BACH2: variants seen among roughly 807,000 people sequenced by gnomAD.
The protein encoded by BACH2 is transcription regulator protein BACH2.
A neutral mutation model predicts 61.8 loss-of-function variants in BACH2; 5 were observed. The ratio of observed to expected loss-of-function variants is 0.08; its 90% CI spans 0.04 to 0.17. The LOEUF (loss-of-function observed/expected upper bound fraction) is 0.17, where lower values mean the gene tolerates loss of function less well. Among genes scored for constraint, BACH2 ranks in the 10% least tolerant of loss-of-function variants. The probability of loss-of-function intolerance (pLI) is 1.00; values close to 1 mark genes in which losing one functional copy is unlikely to be tolerated. For synonymous variants in BACH2, 446 were observed against 440.1 expected (o/e 1.01, Z -0.17); for missense variants, 824 against 1,091.1 (o/e 0.76, Z 3.45).
chr6:90,295,750 C>T (rs966808435), intron 1 of BACH2, among the ~76,000 whole-genome samples: 8 of 152,102 alleles, frequency 5.3e-5, no homozygotes, highest in Admixed American at 2.0e-4. Context: ...AGAAGCCTGG[C>T]GCCCTTAGGT....
At chr6:90,026,896 A>C (rs1225785199) in intron 5 of BACH2, among the ~76,000 whole-genome samples, 1 of 152,198 alleles carries the variant, frequency 6.6e-6, no homozygotes, top group Admixed American at 6.5e-5. Flanking sequence ...AATGAAGTTT[A>C]GATTGCAAGT....
rs149768881 is a variant in BACH2 at position 90,182,193 on chromosome 6, T to C, written c.-162+24376A>G. ...AATCACCACTGCTAAGTAACTCTTA[T>C]TGATTTGTTCTTCTCAGAATCAAAG... is the stretch of plus-strand genomic sequence containing the variant. On this transcript the variant is annotated intron_variant, in intron 4 of 8. Transcript: ENST00000257749. 2.2e-4 allele frequency among the ~76,000 whole-genome samples: 34 copies of C among 152,334 alleles called. No homozygotes were observed. In the East Asian group the frequency reaches 5.8e-3, roughly 26 times the overall value.
chr6:90,072,354 G>A (rs1053007894), intron 5 of BACH2, among the ~76,000 whole-genome samples: 1 of 152,156 alleles, frequency 6.6e-6, no homozygotes, highest in Non-Finnish European at 1.5e-5. Context: ...AGGGCCACAG[G>A]CTGGACCACA....
chr6:90,049,901 T>C (rs1163020106), intron 5 of BACH2, among the ~76,000 whole-genome samples: 6 of 152,176 alleles, frequency 3.9e-5, no homozygotes, highest in African/African-American at 4.8e-5. Context: ...AGAACACCAT[T>C]TTTACTTGAA....
chr6:90,237,909 A>C (rs1233360071), intron 3 of BACH2, among the ~76,000 whole-genome samples: 1 of 152,236 alleles, frequency 6.6e-6, no homozygotes, highest in Non-Finnish European at 1.5e-5. Context: ...ACAAGGTCTC[A>C]AAGGAACAGC....
chr6:90,122,150 C>A (rs1193671124), intron 4 of BACH2, among the ~76,000 whole-genome samples: 1 of 152,238 alleles, frequency 6.6e-6, no homozygotes, highest in African/African-American at 2.4e-5. Context: ...AGGCAAAGCA[C>A]ACCATGGGCC....
At chr6:90,046,122 C>T (rs538403604) in intron 5 of BACH2, among the ~76,000 whole-genome samples, 2 of 152,166 alleles carry the variant, frequency 1.3e-5, no homozygotes, top group African/African-American at 2.4e-5. Context: ...AGAGTGAAAG[C>T]TCTGTTTTAG....
chr6:90,013,926 G>T (rs966291146), intron 5 of BACH2, among the ~76,000 whole-genome samples: 1 of 151,824 alleles, frequency 6.6e-6, no homozygotes, highest in Admixed American at 6.6e-5. Context: ...CTACAGGTGT[G>T]CACCACCATA....
At chr6:90,095,566 G>C (rs915770202) in intron 4 of BACH2, among the ~76,000 whole-genome samples, 3 of 152,118 alleles carry the variant, frequency 2.0e-5, no homozygotes, top group Non-Finnish European at 4.4e-5. Flanking sequence ...ATACAACAAA[G>C]AGGTTATCAG....
intron 3 of BACH2, among the ~76,000 whole-genome samples, chr6:90,222,297 T>C (rs1023447342): frequency 6.6e-6 from 1 of 152,118 alleles, no homozygotes. Flanking sequence ...CATGAGACAA[T>C]GGCAACAATG....
intron 2 of BACH2, among the ~76,000 whole-genome samples, chr6:90,267,584 G>A (rs887801832): frequency 1.3e-5 from 2 of 152,118 alleles, no homozygotes; most frequent in Non-Finnish European, 2.9e-5. Flanking sequence ...ATATGTACAA[G>A]AATTTAACTG....
intron 3 of BACH2, among the ~76,000 whole-genome samples, chr6:90,217,098 C>A (rs370459558): frequency 6.6e-6 from 1 of 152,100 alleles, no homozygotes; most frequent in African/African-American, 2.4e-5. Flanking sequence ...TCTCCTTGAG[C>A]GAAGTAAAAG....
chr6:90,283,671 G>C (rs1771929740), intron 1 of BACH2, among the ~76,000 whole-genome samples: 1 of 151,988 alleles, frequency 6.6e-6, no homozygotes, highest in Non-Finnish European at 1.5e-5. Context: ...CACCACACCC[G>C]GCCTCCTCAT....
At chr6:90,219,171 C>A (rs1004046322) in intron 3 of BACH2, among the ~76,000 whole-genome samples, 7 of 152,188 alleles carry the variant, frequency 4.6e-5, no homozygotes, top group African/African-American at 1.7e-4. Context: ...CTGTTTAGAG[C>A]CAGCAAAGAG....
In BACH2 at chr6:90,290,829, G is replaced by C. The variant is rs184300668; in HGVS notation, c.-446+5651C>G. ...CCAAGACTAGAGTGATGGAAGACTT[G>C]GAAACTCGAAAAGCTTTCTTCTAAC... On this transcript the variant is annotated intron_variant, in intron 1 of 8. Coordinates refer to ENST00000257749, the MANE Select transcript of BACH2 (RefSeq NM_021813.4). Among the ~76,000 whole-genome samples the C allele has an allele frequency of 2.0e-3, 303 of 152,266 alleles. 3 individuals carry two copies. Among genetic ancestry groups the C allele is most frequent in the African/African-American group, 6.7e-3 (278 of 41,554 alleles).
At chr6:90,236,306 G>A (rs1465088799) in intron 3 of BACH2, among the ~76,000 whole-genome samples, 1 of 152,204 alleles carries the variant, frequency 6.6e-6, no homozygotes, top group Admixed American at 6.5e-5. Context: ...GTCAACTAAC[G>A]ATTAGAAACA....
At chr6:90,039,922 T>C (rs1430252796) in intron 5 of BACH2, among the ~76,000 whole-genome samples, 2 of 152,142 alleles carry the variant, frequency 1.3e-5, no homozygotes, top group East Asian at 1.9e-4. Flanking sequence ...TTTTCCCCTA[T>C]TGCATTGTTG....
At chr6:90,079,931 T>C (rs1438925610) in intron 5 of BACH2, among the ~76,000 whole-genome samples, 1 of 151,740 alleles carries the variant, frequency 6.6e-6, no homozygotes, top group East Asian at 1.9e-4. Flanking sequence ...TTTTTTTTTC[T>C]GTCTCAGGAC....
At chr6:89,945,961 C>T (rs1216118161) in intron 7 of BACH2, among the ~76,000 whole-genome samples, 2 of 151,932 alleles carry the variant, frequency 1.3e-5, no homozygotes, top group African/African-American at 2.4e-5. Flanking sequence ...AGAAAAATTC[C>T]CAACCTGACT....
Sources: gnomAD v4.1 joint callset for allele counts (sites outside exome capture counted in the v4.1 genomes callset) on GRCh38, gnomAD v4.1.1 for gene constraint, MANE v1.5 for transcripts, NCBI Gene and HGNC (gene_info 2026-07-23, HGNC 2026-07-21) for gene names.